The following TAF3 variants were observed in gnomAD, a reference collection of about 807,000 sequenced individuals.
TAF3 encodes the protein TATA-box binding protein associated factor 3.
TAF3 carries 7 observed loss-of-function variants against 80.6 expected under a neutral mutation model. The ratio of observed to expected loss-of-function variants is 0.09; its 90% CI spans 0.05 to 0.16. The LOEUF (loss-of-function observed/expected upper bound fraction) is 0.16, where lower values mean the gene tolerates loss of function less well. TAF3 is among the 10% of genes least tolerant of loss of function. The pLI is 1.00. For missense variants in TAF3, 921 were observed against 1,140.2 expected (o/e 0.81, Z 2.77); for synonymous variants, 444 against 446.1 (o/e 1.00, Z 0.06).
intron 2 of TAF3, among the ~76,000 whole-genome samples, chr10:7,838,415 T>C (rs1836874016): frequency 6.6e-6 from 1 of 152,112 alleles, no homozygotes; most frequent in Non-Finnish European, 1.5e-5. Context: ...AGAGTCTCAC[T>C]CTGTTGCCCA....
At chr10:7,948,265 T>G (rs1309134770) in intron 2 of TAF3, among the ~76,000 whole-genome samples, 2 of 150,878 alleles carry the variant, frequency 1.3e-5, no homozygotes, top group East Asian at 3.9e-4. Flanking sequence ...TTTCTTTTTT[T>G]TTTTTTTAGA....
At chr10:7,953,946 G>T (rs2131405231) in intron 2 of TAF3, among the ~76,000 whole-genome samples, 1 of 143,042 alleles carries the variant, frequency 7.0e-6, no homozygotes, top group Middle Eastern at 3.8e-3. Flanking sequence ...AGTTAACACA[G>T]AGCTCTCCCT....
chr10:7,920,299 CGTGTGTGTGT>C (rs60287426), intron 2 of TAF3, among the ~76,000 whole-genome samples: 21 of 101,372 alleles, frequency 2.1e-4, no homozygotes, highest in South Asian at 7.0e-4. Flanking sequence ...TTTAAACATA[CGTGTGTGTGT>C]GTGTGTGTGT....
chr10:7,899,188 C>T (rs551156828), intron 2 of TAF3, among the ~76,000 whole-genome samples: 1 of 152,290 alleles, frequency 6.6e-6, no homozygotes, highest in African/African-American at 2.4e-5. Flanking sequence ...CTGGGCCTCA[C>T]CTACATCCTT....
chr10:7,891,970 G>A (rs1337341544), intron 2 of TAF3, among the ~76,000 whole-genome samples: 3 of 152,176 alleles, frequency 2.0e-5, no homozygotes, highest in Admixed American at 2.0e-4. Flanking sequence ...AATTGTAACA[G>A]TGAATGACTT....
intron 2 of TAF3, among the ~76,000 whole-genome samples, chr10:7,860,904 A>C (rs576784902): frequency 6.6e-6 from 1 of 151,360 alleles, no homozygotes; most frequent in East Asian, 1.9e-4. Flanking sequence ...GGTTCAAGCA[A>C]TTCTCTGCTT....
intron 2 of TAF3, among the ~76,000 whole-genome samples, chr10:7,844,326 A>G (rs1170702223): frequency 1.3e-5 from 2 of 151,452 alleles, no homozygotes; most frequent in African/African-American, 2.4e-5. Flanking sequence ...CTTTAAAAAC[A>G]TTAACACAGT....
chr10:7,996,019 A>G (rs1282810469), intron 4 of TAF3, among the ~76,000 whole-genome samples: 5 of 152,144 alleles, frequency 3.3e-5, no homozygotes, highest in Non-Finnish European at 4.4e-5. Context: ...ATTTCTTCCA[A>G]CTTCTGAATA....
rs567130721 is a variant in TAF3 at position 7,863,732 on chromosome 10, T to C, written c.409+39172T>C. On this transcript the variant is annotated intron_variant, in intron 2 of 6. Coordinates refer to ENST00000344293, the MANE Select transcript of TAF3 (RefSeq NM_031923.4). ...ACATATATATATACACATATATATA[T>C]ACACATATATATATACACATATATA... is the stretch of plus-strand genomic sequence containing the variant. 5.7e-4 allele frequency among the ~76,000 whole-genome samples: 76 copies of C among 133,230 alleles called. 4 individuals are homozygous for C. Among genetic ancestry groups the C allele is most frequent in the African/African-American group, 2.1e-3 (72 of 34,526 alleles). The allele number at this position is 133,230 out of a possible 152,430, so 87.4% of individuals were successfully genotyped here.
chr10:7,941,947 A>G (rs1017271963), intron 2 of TAF3, among the ~76,000 whole-genome samples: 4 of 152,118 alleles, frequency 2.6e-5, no homozygotes, highest in Non-Finnish European at 5.9e-5. Flanking sequence ...TATATATTCA[A>G]TTACTTCTCA....
At chr10:7,988,864 T>G (rs1197754532) in intron 4 of TAF3, among the ~76,000 whole-genome samples, 1 of 152,084 alleles carries the variant, frequency 6.6e-6, no homozygotes, top group South Asian at 2.1e-4. Flanking sequence ...GTATCTATTA[T>G]AAATCCCTGT....
chr10:7,837,848 A>C (rs1836868183), intron 2 of TAF3, among the ~76,000 whole-genome samples: 1 of 152,192 alleles, frequency 6.6e-6, no homozygotes. Context: ...AGCTGTAGTT[A>C]TTCAAGAGAA....
At chr10:7,842,640 T>G (rs1482027428) in intron 2 of TAF3, among the ~76,000 whole-genome samples, 1 of 152,214 alleles carries the variant, frequency 6.6e-6, no homozygotes, top group Non-Finnish European at 1.5e-5. Context: ...ACCAAAAATT[T>G]AATAGCTTGG....
At chr10:7,865,477 TCAAACAAA>T (rs373125256) in intron 2 of TAF3, among the ~76,000 whole-genome samples, 53,518 of 147,108 alleles carry the variant, frequency 0.36, 9,962 homozygotes, top group Non-Finnish European at 0.42. Flanking sequence ...AGACTCCGTC[TCAAACAAA>T]CAAACAAACA....
chr10:7,913,155 G>A (rs943766001), intron 2 of TAF3, among the ~76,000 whole-genome samples: 2 of 152,132 alleles, frequency 1.3e-5, no homozygotes, highest in African/African-American at 4.8e-5. Context: ...TCAGATCAGG[G>A]CCCCACTATT....
chr10:8,014,769 G>A lies in TAF3; in HGVS notation c.*18G>A. 4 of 1,565,644 alleles carry A rather than the reference G, an allele frequency of 2.6e-6. No individual in the cohort carries two copies. Among genetic ancestry groups the A allele is most frequent in the Non-Finnish European group, 3.5e-6 (4 of 1,154,932 alleles). ...CCCACTGACGACTCCCGAGGGGCTG[G>A]ACCAAGCGGGGTCAGCCCGGGCTTC... On this transcript the variant is annotated 3_prime_UTR_variant, in exon 7 of 7. Coordinates refer to ENST00000344293, the MANE Select transcript of TAF3 (RefSeq NM_031923.4).
chr10:7,903,972 G>T (rs957956852), intron 2 of TAF3, among the ~76,000 whole-genome samples: 2 of 151,910 alleles, frequency 1.3e-5, no homozygotes, highest in Non-Finnish European at 2.9e-5. Context: ...CTGGAAAACA[G>T]AGAGCAGATC....
chr10:7,903,660 A>T (rs1309679490), intron 2 of TAF3, among the ~76,000 whole-genome samples: 1 of 152,254 alleles, frequency 6.6e-6, no homozygotes, highest in Non-Finnish European at 1.5e-5. Context: ...AATTAGAATT[A>T]TAGAAGCACG....
chr10:8,006,899 C>A (rs1354094579), intron 4 of TAF3, among the ~76,000 whole-genome samples: 1 of 152,218 alleles, frequency 6.6e-6, no homozygotes, highest in African/African-American at 2.4e-5. Flanking sequence ...GTTCTCACTA[C>A]AACCCTCTGA....
Sources: allele counts gnomAD v4.1 joint callset (sites outside exome capture counted in the v4.1 genomes callset), GRCh38; gene constraint gnomAD v4.1.1; transcripts MANE v1.5; gene names NCBI Gene and HGNC (gene_info 2026-07-23, HGNC 2026-07-21).